The following HDGFL2 variants were observed in gnomAD, a reference collection of about 807,000 sequenced individuals.
HDGFL2 encodes the protein hepatoma-derived growth factor-related protein 2.
In HDGFL2, 36 loss-of-function variants were observed where a neutral mutation model predicts 77.1. That is an observed-to-expected ratio of 0.47 (90% CI 0.36 to 0.62). The LOEUF (loss-of-function observed/expected upper bound fraction) is 0.62. HDGFL2 is among the 20% of genes least tolerant of loss of function. The pLI is 0.00. For synonymous variants in HDGFL2, 463 were observed against 413.1 expected, an observed-to-expected ratio of 1.12 and a Z score of -1.46; for missense variants, 976 against 973.4, an observed-to-expected ratio of 1.00 and a Z score of -0.04.
At chr19:4,477,211 A>G (rs965761551) in intron 3 of HDGFL2, among the ~76,000 whole-genome samples, 1 of 152,092 alleles carries the variant, frequency 6.6e-6, no homozygotes, top group African/African-American at 2.4e-5. Context: ...TTCGGTGGTG[A>G]CACCTGCCAC....
At chr19:4,493,316 T>A (rs927052960) in intron 6 of HDGFL2, among the ~76,000 whole-genome samples, 5 of 151,100 alleles carry the variant, frequency 3.3e-5, no homozygotes, top group African/African-American at 1.2e-4. Context: ...GTGTGTGGTG[T>A]CTGTGTGTGG....
In HDGFL2 at chr19:4,484,096, T is replaced by C. The variant is rs550859568; in HGVS notation, c.289-4580T>C. On this transcript the variant is annotated intron_variant, in intron 3 of 15. Transcript: ENST00000616600. ...GAGCCACTGCACCCGGCCTTTTTTT[T>C]TTTTTTTTTTTGAGACAGTGTCTGT... Among the ~76,000 whole-genome samples the C allele has an allele frequency of 4.4e-4, 66 of 149,672 alleles. 2 individuals are homozygous for C. In the East Asian group the frequency reaches 0.013, roughly 29 times the overall value.
rs777975563 is a variant in HDGFL2, at chr19:4,494,314, G to A, written c.1063G>A (p.Glu355Lys). ...QEKEEKERRR[E>K]RADRGEAERG... ...GAAGGAGGAGAAGGAGCGGAGGCGC[G>A]AGCGGGCCGACCGCGGGGAGGCTGA... Residue 355 changes from glutamate (E) to lysine (K), a missense_variant, in exon 9 of 16, where the codon GAG becomes AAG. Coordinates refer to ENST00000616600, the MANE Select transcript of HDGFL2 (RefSeq NM_001001520.3). The A allele has an allele frequency of 4.1e-5, 58 of 1,427,678 alleles. No individual in the cohort carries two copies. The highest frequency in any genetic ancestry group is 3.0e-5 in the South Asian group (2 of 66,440). The allele number at this position is 1,427,678 out of a possible 1,614,324, so 88.4% of individuals were successfully genotyped here. A position where few individuals can be genotyped will look rare whatever the true frequency, so the allele number is the denominator to read the frequency against.
intron 9 of HDGFL2, 86 bp downstream of exon 9, chr19:4,494,561 CCG>C: frequency 9.6e-7 from 1 of 1,042,414 alleles, no homozygotes; most frequent in South Asian, 3.6e-5. Flanking sequence ...ATCCCAGGTT[CCG>C]GGACCCATCA....
intron 3 of HDGFL2, among the ~76,000 whole-genome samples, chr19:4,485,930 G>C (rs1975349961): frequency 1.3e-5 from 2 of 149,180 alleles, no homozygotes; most frequent in African/African-American, 4.9e-5. Flanking sequence ...GTGCAAACCT[G>C]TAGTTTCAGC....
chr19:4,484,267 A>G (rs933032631), intron 3 of HDGFL2, among the ~76,000 whole-genome samples: 3 of 149,184 alleles, frequency 2.0e-5, no homozygotes, highest in Non-Finnish European at 4.4e-5. Flanking sequence ...TATTTTTAGT[A>G]GAGACAGCAT....
chr19:4,475,554 A>C lies in HDGFL2; in HGVS notation c.259A>C (p.Asn87His). ...FNEGLWEIQN[N>H]PHASYSAPPP... ...TGAAGGGCTGTGGGAGATCCAGAAC[A>C]ACCCCCACGCCAGCTACAGCGCCCC... Residue 87 changes from asparagine (N) to histidine (H), a missense_variant, in exon 3 of 16, where the codon AAC (asparagine) becomes CAC (histidine). This residue lies in a region of HDGFL2 where 103 missense variants were observed against 145.7 expected (regional missense o/e 0.71). Transcript: ENST00000616600. 6.3e-7 allele frequency: 1 copy of C among 1,587,786 alleles called. No individual in the cohort carries two copies. The highest frequency in any genetic ancestry group is 8.5e-7 in the Non-Finnish European group (1 of 1,172,856).
chr19:4,494,454 C>A lies in HDGFL2; in HGVS notation c.1203C>A (p.Pro401=). The change falls in exon 9 of 16, where the codon CCC becomes CCA. Residue 401 remains proline, a synonymous_variant. Coordinates refer to ENST00000616600, the MANE Select transcript of HDGFL2 (RefSeq NM_001001520.3). ...CCCCGTCCTCCTCTGACTCCGAGCC[C>A]GAGGCCGAGCTGGAGAGAGAGGTGA... The part of the protein sequence containing the change: ...RGPPSSSDSE[P]EAELEREAKK... The A allele has an allele frequency of 7.2e-7, 1 of 1,394,694 alleles. No homozygotes were observed. Among genetic ancestry groups the A allele is most frequent in the African/African-American group, 1.5e-5 (1 of 65,730 alleles). 86.4% of individuals were successfully genotyped at this position (1,394,694 alleles called of 1,614,324 possible).
chr19:4,475,966 T>C lies in HDGFL2; in HGVS notation c.288+383T>C, dbSNP rs185526942. The stretch of plus-strand genomic sequence containing the variant: ...GTGCAGTGGCGCGATCTCGGCTCAC[T>C]GCAAGCTCCGCCTCCTGTATTCCCG... On this transcript the variant is annotated intron_variant, in intron 3 of 15. Transcript: ENST00000616600. 2.0e-3 allele frequency among the ~76,000 whole-genome samples: 305 copies of C among 151,600 alleles called. 2 individuals are homozygous for C. The highest frequency in any genetic ancestry group is 7.0e-3 in the African/African-American group (291 of 41,356).
At chr19:4,482,269 G>A (rs1209543958) in intron 3 of HDGFL2, among the ~76,000 whole-genome samples, 2 of 151,632 alleles carry the variant, frequency 1.3e-5, no homozygotes, top group Non-Finnish European at 2.9e-5. Flanking sequence ...GAGTGCAGTG[G>A]CATCATCTCG....
chr19:4,481,061 G>A lies in HDGFL2; in HGVS notation c.288+5478G>A, dbSNP rs1296733434. On this transcript the variant is annotated intron_variant, in intron 3 of 15. Coordinates refer to ENST00000616600, the MANE Select transcript of HDGFL2 (RefSeq NM_001001520.3). The stretch of plus-strand genomic sequence containing the variant: ...TTTGAGACAAGAGTCTCACTCTGTC[G>A]CCCAGGCTGGAGTGCAGTGGTGCGG... Among the ~76,000 whole-genome samples, 11 of 150,258 alleles carry A rather than the reference G, an allele frequency of 7.3e-5. 1 individual carries two copies. The Middle Eastern group carries it at 0.01, about 141-fold the overall frequency.
rs573497196 is a variant in HDGFL2 at position 4,475,736 on chromosome 19, TC to T, written c.288+156del. 2.4e-3 allele frequency among the ~76,000 whole-genome samples: 370 copies of T among 152,116 alleles called. 1 individual carries two copies. The highest frequency in any genetic ancestry group is 3.5e-3 in the Non-Finnish European group (237 of 67,966). On this transcript the variant is annotated intron_variant, in intron 3 of 15. Transcript: ENST00000616600. ...TGGGCCCTGCAGGTGCTGAGCAGTGTCCCTGGCCTCCACCTACTCAGTGCCA... is the reference window on the plus strand; with the variant it reads ...TGGGCCCTGCAGGTGCTGAGCAGTGTCCTGGCCTCCACCTACTCAGTGCCA...
intron 9 of HDGFL2, among the ~76,000 whole-genome samples, chr19:4,495,100 C>T (rs1158778445): frequency 1.3e-5 from 2 of 151,556 alleles, no homozygotes; most frequent in East Asian, 2.0e-4. Context: ...TAAAAGGCTC[C>T]GAATGGGCTG....
intron 3 of HDGFL2, 139 bp downstream of exon 3, chr19:4,475,722 G>C (rs1470246532): frequency 9.1e-7 from 1 of 1,101,948 alleles, no homozygotes; most frequent in East Asian, 2.7e-5. Context: ...GGGCCCTGCA[G>C]GTGCTGAGCA....
In HDGFL2 at chr19:4,473,583, T is replaced by TTG. The variant is rs971800761; in HGVS notation, c.72+1161_72+1162insTG. The stretch of plus-strand genomic sequence containing the variant: ...CTGGAGAAGCCCAGTTTTGAGGGGC[T>TTG]GGGGGGCCGAGGGCCATGTGCTAGG... On this transcript the variant is annotated intron_variant, in intron 1 of 15. Transcript: ENST00000616600. Among the ~76,000 whole-genome samples the TTG allele has an allele frequency of 1.4e-4, 19 of 138,332 alleles. 1 individual carries two copies. Among genetic ancestry groups the TTG allele is most frequent in the African/African-American group, 4.9e-4 (18 of 36,996 alleles). 90.8% of individuals were successfully genotyped at this position (138,332 alleles called of 152,430 possible). A position where few individuals can be genotyped will look rare whatever the true frequency, so the allele number is the denominator to read the frequency against.
chr19:4,497,735 G>A, intron 10 of HDGFL2: 1 of 557,812 alleles, frequency 1.8e-6, no homozygotes, highest in African/African-American at 1.9e-5. Context: ...TGAGAACTCG[G>A]GAAAAGGCTT....
rs570697543 is a variant in HDGFL2, at chr19:4,502,105, G to A, written c.*95G>A. 2.1e-5 allele frequency: 19 copies of A among 887,750 alleles called. No homozygotes were observed. The highest frequency in any genetic ancestry group is 7.9e-5 in the East Asian group (3 of 37,942). The allele number at this position is 887,750 out of a possible 1,614,324, so 55.0% of individuals were successfully genotyped here. ...AGCAGAGCAGAGAACTGTGGGGAAC[G>A]CTGTGCTGTTTGTATTTGTTCCCTT... is the stretch of plus-strand genomic sequence containing the variant. On this transcript the variant is annotated 3_prime_UTR_variant, in exon 16 of 16. Coordinates refer to ENST00000616600, the MANE Select transcript of HDGFL2 (RefSeq NM_001001520.3).
intron 10 of HDGFL2, chr19:4,497,091 T>G (rs2145210779): frequency 2.3e-6 from 1 of 428,076 alleles, no homozygotes; most frequent in South Asian, 1.7e-5. Context: ...GCCAGGCTGG[T>G]CTCGATCTCC....
chr19:4,478,965 G>A (rs1406053670), intron 3 of HDGFL2, among the ~76,000 whole-genome samples: 1 of 151,794 alleles, frequency 6.6e-6, no homozygotes, highest in Non-Finnish European at 1.5e-5. Flanking sequence ...TTACAGGCGT[G>A]AGCCACCGCG....
Sources: gnomAD v4.1 joint callset for allele counts (sites outside exome capture counted in the v4.1 genomes callset) on GRCh38, gnomAD v4.1.1 for gene constraint, gnomAD v4.1.1 regional missense constraint, MANE v1.5 for transcripts, NCBI Gene and HGNC (gene_info 2026-07-23, HGNC 2026-07-21) for gene names.